PSMC2: variants seen among roughly 807,000 people sequenced by gnomAD.
PSMC2 encodes the protein proteasome 26S subunit, ATPase 2.
PSMC2 carries 7 observed loss-of-function variants against 53.3 expected under a neutral mutation model. That is an observed-to-expected ratio of 0.13 (90% CI 0.07 to 0.25). The LOEUF (loss-of-function observed/expected upper bound fraction) is 0.25. PSMC2 is among the 10% of genes least tolerant of loss of function. The pLI, the probability that PSMC2 is intolerant of heterozygous loss-of-function variation, is 1.00. For missense variants in PSMC2, 241 were observed against 544.0 expected (o/e 0.44, Z 5.54); for synonymous variants, 169 against 183.9 (o/e 0.92, Z 0.66).
chr7:103,347,554 C>T, upstream of PSMC2: 2 of 731,854 alleles, frequency 2.7e-6, no homozygotes, highest in Non-Finnish European at 4.6e-6. Context: ...CGTGCCAAAG[C>T]GTTTCCCCAG....
chr7:103,361,159 A>G (rs1408270636), intron 4 of PSMC2, among the ~76,000 whole-genome samples: 1 of 13,570 alleles, frequency 7.4e-5, no homozygotes, highest in African/African-American at 7.9e-5. Flanking sequence ...TGCCTCAGTT[A>G]AAAAAAGAAA....
intron 6 of PSMC2, among the ~76,000 whole-genome samples, chr7:103,363,090 G>A (rs111293112): frequency 5.3e-5 from 8 of 152,226 alleles, no homozygotes; most frequent in East Asian, 1.9e-4. Flanking sequence ...CACTGAGCCC[G>A]GCAGTATTTT....
intron 1 of PSMC2, chr7:103,352,896 T>G (rs766888184): frequency 5.1e-6 from 4 of 780,798 alleles, no homozygotes; most frequent in Non-Finnish European, 9.6e-6. Context: ...TCCCCTACGG[T>G]CTCCATCTTC....
intron 1 of PSMC2, 66 bp from the exon 2 acceptor site, chr7:103,353,855 T>C (rs1030468637): frequency 3.6e-6 from 5 of 1,383,178 alleles, no homozygotes; most frequent in Non-Finnish European, 5.1e-6. Flanking sequence ...AAAGCTCTAG[T>C]TTCTTTTTTA....
At chr7:103,353,026 T>C (rs1819812309) in intron 1 of PSMC2, 1 of 772,700 alleles carries the variant, frequency 1.3e-6, no homozygotes, top group African/African-American at 1.7e-5. Context: ...TGAGTATTGA[T>C]TTGGGGATTA....
At chr7:103,348,075 G>C (rs115402598) in intron 1 of PSMC2, among the ~76,000 whole-genome samples, 2 of 152,086 alleles carry the variant, frequency 1.3e-5, no homozygotes, top group Non-Finnish European at 2.9e-5. Flanking sequence ...TCTGCCTGGC[G>C]GTGCTCGGTC....
chr7:103,362,704 T>C lies in PSMC2; in HGVS notation c.441T>C (p.Tyr147=), dbSNP rs1332354024. 6.2e-7 allele frequency: 1 copy of C among 1,603,412 alleles called. No homozygotes were observed. The highest frequency in any genetic ancestry group is 8.5e-7 in the Non-Finnish European group (1 of 1,171,076). The change falls in exon 6 of 12, where the codon TAT becomes TAC. Residue 147 remains tyrosine, a synonymous_variant. Coordinates refer to ENST00000292644, the MANE Select transcript of PSMC2 (RefSeq NM_002803.4). ...GMRVGVDRNK[Y]QIHIPLPPKI... ...TCCTTAGCGTGGATAGAAATAAATA[T>C]CAAATTCACATTCCATTGCCTCCTA... is the stretch of plus-strand genomic sequence containing the variant.
intron 3 of PSMC2, 67 bp downstream of exon 3, chr7:103,355,016 A>C (rs1819951952): frequency 9.3e-7 from 1 of 1,072,390 alleles, no homozygotes; most frequent in Admixed American, 1.9e-5. Flanking sequence ...AAGAGTTTAA[A>C]TACAGATTTT....
chr7:103,350,555 C>T (rs2116116194), intron 1 of PSMC2, among the ~76,000 whole-genome samples: 1 of 152,288 alleles, frequency 6.6e-6, no homozygotes, highest in South Asian at 2.1e-4. Context: ...GTGGCATGAT[C>T]ATAGTCACTG....
chr7:103,355,687 T>C lies in PSMC2; in HGVS notation c.191-7T>C. The C allele has an allele frequency of 6.2e-7, 1 of 1,606,790 alleles. No individual in the cohort carries two copies. On this transcript the variant is annotated splice_region_variant and splice_polypyrimidine_tract_variant and intron_variant, in intron 3 of 11. Transcript: ENST00000292644. The stretch of plus-strand genomic sequence containing the variant: ...TTTAGTAAATTTTGTCATCTTTCTC[T>C]ATGTAGGTATTAAAGAATCTGACAC...
chr7:103,362,292 GTTGT>G (rs1820457340), intron 5 of PSMC2: 2 of 1,396,034 alleles, frequency 1.4e-6, no homozygotes, highest in South Asian at 1.6e-5. Context: ...TACTCCCACT[GTTGT>G]TTATTATGAA....
Position 103,367,297 on chromosome 7 carries a change from G to T in PSMC2, c.845-116G>T. 1 of 834,330 alleles carries T rather than the reference G, an allele frequency of 1.2e-6. No individual in the cohort carries two copies. The highest frequency in any genetic ancestry group is 1.9e-6 in the Non-Finnish European group (1 of 515,888). 51.7% of individuals were successfully genotyped at this position (834,330 alleles called of 1,614,324 possible). ...TCTTACAGGATTTGCTTCAAAGTGG[G>T]ATGTCACTTGTGCCTGAGGACATGA... On this transcript the variant is annotated intron_variant, in intron 9 of 11. Transcript: ENST00000292644. This position sits in a 1 kb window ranked among gnomAD's most constrained non-coding sequence, Gnocchi z 6.1.
At position 103,363,448 on chromosome 7, in the gene PSMC2, C is replaced by T. The variant is rs776486315; in HGVS notation, c.591+9C>T. On this transcript the variant is annotated intron_variant, in intron 7 of 11. Transcript: ENST00000292644. ...AAACCCCATTACTTCATGTAAGTAG[C>T]TGAGTGTTGTATTTAAATTTCTTTG... The T allele has an allele frequency of 6.3e-7, 1 of 1,596,228 alleles. No individual in the cohort carries two copies. Among genetic ancestry groups the T allele is most frequent in the Non-Finnish European group, 8.6e-7 (1 of 1,163,780 alleles).
intron 1 of PSMC2, among the ~76,000 whole-genome samples, chr7:103,351,500 T>C (rs896743356): frequency 6.6e-6 from 1 of 152,226 alleles, no homozygotes; most frequent in African/African-American, 2.4e-5. Context: ...TAGGCATCTC[T>C]GCCTAGAACA....
chr7:103,366,083 G>A lies in PSMC2; in HGVS notation c.764G>A (p.Arg255Gln). 1 of 1,611,436 alleles carries A rather than the reference G, an allele frequency of 6.2e-7. No homozygotes were observed. Among genetic ancestry groups the A allele is most frequent in the Non-Finnish European group, 8.5e-7 (1 of 1,179,104 alleles). ...AATCATTTTTCTCATTAGGGGGCTC[G>A]AATGGTTCGTGAACTCTTTGAAATG... ...LVQKYVGEGA[R>Q]MVRELFEMAR... Residue 255 changes from arginine to glutamine, a missense_variant, in exon 9 of 12, where the codon CGA becomes CAA. Physicochemically the swap from Arg to Gln is conservative, Grantham distance 43. Around this residue, in one of 6 missense-constraint regions of PSMC2, gnomAD observed 26 missense variants for 104.7 expected, o/e 0.25. Transcript: ENST00000292644.
chr7:103,348,893 G>A (rs1371125698), intron 1 of PSMC2: 1 of 478,504 alleles, frequency 2.1e-6, no homozygotes, highest in African/African-American at 2.0e-5. Flanking sequence ...TTTACCAAGT[G>A]CACAAGTACA....
At chr7:103,363,522 G>C in intron 7 of PSMC2, 83 bp downstream of exon 7, 3 of 1,214,564 alleles carry the variant, frequency 2.5e-6, no homozygotes, top group Non-Finnish European at 2.4e-6. Context: ...TTGTATATTA[G>C]ATGGCTTTTA....
At chr7:103,362,312 T>A in intron 5 of PSMC2, 1 of 1,378,596 alleles carries the variant, frequency 7.3e-7, no homozygotes, top group Non-Finnish European at 9.3e-7. Context: ...ATGAATGGCT[T>A]CAAATTTCAG....
intron 3 of PSMC2, among the ~76,000 whole-genome samples, chr7:103,355,302 G>A (rs1046822292): frequency 9.2e-5 from 14 of 152,130 alleles, no homozygotes; most frequent in African/African-American, 3.4e-4. Flanking sequence ...CTCTTTCCTG[G>A]AACTTTTTGG....
Sources: gnomAD v4.1 joint callset for allele counts (sites outside exome capture counted in the v4.1 genomes callset) on GRCh38, gnomAD v4.1.1 for gene constraint, gnomAD v4.1.1 regional missense constraint, Gnocchi (gnomAD v3.1) non-coding constraint, MANE v1.5 for transcripts, NCBI Gene and HGNC (gene_info 2026-07-23, HGNC 2026-07-21) for gene names.